Variants in PSD3 observed in about 807,000 individuals in gnomAD.
PSD3 encodes PH and SEC7 domain-containing protein 3.
In PSD3, 49 loss-of-function variants were observed where a neutral mutation model predicts 105.5. The ratio of observed to expected loss-of-function variants is 0.46; its 90% CI spans 0.37 to 0.59. The LOEUF is 0.59. PSD3 is among the 20% of genes least tolerant of loss of function. PSD3 has a pLI of 0.00. For synonymous variants in PSD3, 557 were observed against 457.8 expected, an observed-to-expected ratio of 1.22 and a Z score of -2.77; for missense variants, 1,561 against 1,263.8, an observed-to-expected ratio of 1.24 and a Z score of -3.57.
At chr8:18,824,164 C>T (rs893704964) in intron 4 of PSD3, among the ~76,000 whole-genome samples, 4 of 152,060 alleles carry the variant, frequency 2.6e-5, no homozygotes, top group South Asian at 2.1e-4. Flanking sequence ...CAGACATGGC[C>T]GTGTCTCTAA....
intron 9 of PSD3, among the ~76,000 whole-genome samples, chr8:18,696,915 T>A (rs1176012808): frequency 6.6e-6 from 1 of 152,128 alleles, no homozygotes; most frequent in African/African-American, 2.4e-5. Context: ...TAACGATGCA[T>A]CTTGTTTGCC....
At chr8:18,651,244 C>T (rs925441014) in intron 10 of PSD3, among the ~76,000 whole-genome samples, 3 of 152,196 alleles carry the variant, frequency 2.0e-5, no homozygotes, top group Admixed American at 6.5e-5. Flanking sequence ...CAAGGTTACA[C>T]TGAACCCAGT....
In PSD3 at chr8:18,836,923, C is replaced by T. The variant is rs79164498; in HGVS notation, c.1634+30751G>A. On this transcript the variant is annotated intron_variant, in intron 4 of 15. Coordinates refer to ENST00000327040, the MANE Select transcript of PSD3 (RefSeq NM_015310.4). ...AGATACCAGGGCTGACTGTACTTTG[C>T]TTCTAAAAAAAATTCAAGTTTCTTA... Among the ~76,000 whole-genome samples, 79 of 150,828 alleles carry T rather than the reference C, an allele frequency of 5.2e-4. No individual in the cohort carries two copies. The East Asian group carries it at 0.012, about 24-fold the overall frequency.
At chr8:18,574,608 G>A (rs936465338) in intron 13 of PSD3, among the ~76,000 whole-genome samples, 4 of 152,080 alleles carry the variant, frequency 2.6e-5, no homozygotes, top group Non-Finnish European at 5.9e-5. Context: ...GAGCTCAGAA[G>A]GGAAACAAAA....
chr8:18,665,333 G>A (rs1237742902), intron 9 of PSD3, among the ~76,000 whole-genome samples: 1 of 152,230 alleles, frequency 6.6e-6, no homozygotes, highest in Admixed American at 6.5e-5. Flanking sequence ...ATGACTTTGG[G>A]GGGTTTGAGA....
intron 8 of PSD3, among the ~76,000 whole-genome samples, chr8:18,778,988 C>T (rs971603290): frequency 2.0e-5 from 3 of 152,100 alleles, no homozygotes; most frequent in Admixed American, 2.0e-4. Flanking sequence ...AGGAAAAAAT[C>T]CCTCCTCTCC....
chr8:18,807,656 A>C (rs1811319670), intron 4 of PSD3, among the ~76,000 whole-genome samples: 1 of 152,244 alleles, frequency 6.6e-6, no homozygotes, highest in South Asian at 2.1e-4. Context: ...GAACTGACCC[A>C]GGCAAACTAA....
At chr8:18,778,236 T>C (rs1029807372) in intron 8 of PSD3, among the ~76,000 whole-genome samples, 3 of 152,158 alleles carry the variant, frequency 2.0e-5, no homozygotes, top group African/African-American at 4.8e-5. Context: ...CTGTTATAAA[T>C]GGGATTACTT....
At position 18,984,932 on chromosome 8, in the gene PSD3, T is replaced by A. The variant is rs545009751; in HGVS notation, c.21+28631A>T. The stretch of plus-strand genomic sequence containing the variant: ...CTAACCCTGACCCATCACGCTTCGC[T>A]TTTTTGTTTTGGCGGTGGGGGGACA... On this transcript the variant is annotated intron_variant, in intron 1 of 15. Coordinates refer to ENST00000327040, the MANE Select transcript of PSD3 (RefSeq NM_015310.4). Among the ~76,000 whole-genome samples, 12 of 152,232 alleles carry A rather than the reference T, an allele frequency of 7.9e-5. 1 individual carries two copies. In the South Asian group the frequency reaches 2.5e-3, roughly 32 times the overall value.
chr8:18,788,226 C>T (rs912244461), intron 8 of PSD3, among the ~76,000 whole-genome samples: 6 of 152,136 alleles, frequency 3.9e-5, no homozygotes, highest in South Asian at 2.1e-4. Context: ...TGCAGGTTTT[C>T]GCTTTGTTAA....
Position 18,910,940 on chromosome 8 carries a change from TA to T in PSD3, c.130+25093del, listed in dbSNP as rs541983680. 8.0e-3 allele frequency among the ~76,000 whole-genome samples: 1,086 copies of T among 135,830 alleles called. 7 individuals are homozygous for T. The highest frequency in any genetic ancestry group is 0.02 in the African/African-American group (717 of 36,362). The allele number at this position is 135,830 out of a possible 152,430, so 89.1% of individuals were successfully genotyped here. A position where few individuals can be genotyped will look rare whatever the true frequency, so the allele number is the denominator to read the frequency against. On this transcript the variant is annotated intron_variant, in intron 2 of 15. Coordinates refer to ENST00000327040, the MANE Select transcript of PSD3 (RefSeq NM_015310.4). ...TGTCTCTACATAAAATTCAAAAAAA[TA>T]AAAAAAAAAAAAATAAGTTAGCCAG...
chr8:18,606,932 A>G (rs759652059), intron 11 of PSD3, among the ~76,000 whole-genome samples: 6 of 152,210 alleles, frequency 3.9e-5, no homozygotes, highest in Admixed American at 2.0e-4. Context: ...ATTATTAACT[A>G]TATTTACAAT....
intron 9 of PSD3, among the ~76,000 whole-genome samples, chr8:18,722,128 A>C (rs7815682): frequency 0.92 from 139,106 of 151,058 alleles, 64,174 homozygotes; most frequent in Non-Finnish European, 0.95. Context: ...TGAACTTAAA[A>C]GTCTACTAGA....
intron 2 of PSD3, among the ~76,000 whole-genome samples, chr8:18,874,940 G>A (rs2129458018): frequency 6.6e-6 from 1 of 152,106 alleles, no homozygotes; most frequent in African/African-American, 2.4e-5. Context: ...TTTAAAGACA[G>A]GATCTTACTC....
chr8:18,917,337 C>G (rs141044716), intron 2 of PSD3, among the ~76,000 whole-genome samples: 11 of 152,148 alleles, frequency 7.2e-5, no homozygotes, highest in Admixed American at 3.9e-4. Flanking sequence ...GCTAGGCACA[C>G]GGCCGCTGAA....
chr8:18,941,406 G>A (rs1235351785), intron 1 of PSD3, among the ~76,000 whole-genome samples: 2 of 149,022 alleles, frequency 1.3e-5, no homozygotes, highest in Non-Finnish European at 3.0e-5. Context: ...TTCTGAACCA[G>A]CTTCACAGAC....
chr8:18,601,624 GA>G (rs1409634670), intron 11 of PSD3, among the ~76,000 whole-genome samples: 7 of 152,144 alleles, frequency 4.6e-5, no homozygotes, highest in Admixed American at 4.6e-4. Context: ...TTCCAAGGGA[GA>G]TAATAAATAT....
chr8:18,899,923 C>A (rs894479516), intron 2 of PSD3, among the ~76,000 whole-genome samples: 3 of 152,120 alleles, frequency 2.0e-5, no homozygotes, highest in Non-Finnish European at 4.4e-5. Context: ...TCCCTTCCTG[C>A]CTTAAATCCT....
chr8:18,658,145 T>C (rs1403445291), intron 9 of PSD3, among the ~76,000 whole-genome samples: 3 of 152,230 alleles, frequency 2.0e-5, no homozygotes, highest in Admixed American at 1.3e-4. Context: ...CAACATAGAA[T>C]AGAATTTTTT....
Sources: gnomAD v4.1 joint callset for allele counts (sites outside exome capture counted in the v4.1 genomes callset) on GRCh38, gnomAD v4.1.1 for gene constraint, MANE v1.5 for transcripts, NCBI Gene and HGNC (gene_info 2026-07-23, HGNC 2026-07-21) for gene names.